The following ZDHHC19 variants were observed in gnomAD, a reference collection of about 807,000 sequenced individuals.
ZDHHC19 encodes the protein palmitoyltransferase ZDHHC19.
ZDHHC19 carries 30 observed loss-of-function variants against 33.9 expected under a neutral mutation model. That is an observed-to-expected ratio of 0.88 (90% CI 0.66 to 1.20). The LOEUF (loss-of-function observed/expected upper bound fraction) is 1.20, where lower values mean the gene tolerates loss of function less well. Among genes scored for constraint, ZDHHC19 ranks in the 50% most tolerant of loss-of-function variants. The pLI is 0.00. For synonymous variants in ZDHHC19, 178 were observed against 167.6 expected (o/e 1.06, Z -0.48); for missense variants, 364 against 401.1 (o/e 0.91, Z 0.79).
intron 5 of ZDHHC19, among the ~76,000 whole-genome samples, chr3:196,204,963 C>T (rs1035295048): frequency 5.3e-5 from 8 of 151,932 alleles, no homozygotes; most frequent in Admixed American, 2.0e-4. Flanking sequence ...AAAATTAGCC[C>T]GGCGTGGTGG....
rs775811813 is a variant in ZDHHC19 at position 196,208,515 on chromosome 3, G to A, written c.454C>T (p.Arg152Cys). 7 of 1,614,034 alleles carry A rather than the reference G, an allele frequency of 4.3e-6. No individual in the cohort carries two copies. The highest frequency in any genetic ancestry group is 3.3e-5 in the Admixed American group (2 of 60,008). Reference sequence around the variant, plus strand: ...AGCAGCATGAAGAAGCGGAAGTTGCGGTGACCGATGCAGTTATTGACCCAC... The same window carrying A: ...AGCAGCATGAAGAAGCGGAAGTTGCAGTGACCGATGCAGTTATTGACCCAC... ...CKWVNNCIGH[R>C]NFRFFMLLVL... The change falls in exon 4 of 8, where the codon CGC (arginine) becomes TGC (cysteine). Residue 152 changes from arginine to cysteine, a missense_variant. Arg to Cys is a radical substitution (Grantham distance 180). Transcript: ENST00000296326.
intron 2 of ZDHHC19, among the ~76,000 whole-genome samples, chr3:196,210,073 C>T (rs1427790897): frequency 2.6e-5 from 4 of 152,038 alleles, no homozygotes; most frequent in African/African-American, 9.7e-5. Flanking sequence ...CTCCTGTAGC[C>T]CCAGCTACTT....
chr3:196,198,631 C>T (rs754710717), intron 6 of ZDHHC19, 158 bp downstream of exon 6: 21 of 1,550,280 alleles, frequency 1.4e-5, no homozygotes, highest in African/African-American at 6.8e-5. Flanking sequence ...GAGCCAAGGA[C>T]GTAGGGAGGC....
chr3:196,199,810 T>A (rs983134734), intron 5 of ZDHHC19, among the ~76,000 whole-genome samples: 17 of 151,418 alleles, frequency 1.1e-4, no homozygotes, highest in Non-Finnish European at 1.9e-4. Flanking sequence ...CCAGGCGTGG[T>A]GGCGGGTGCC....
chr3:196,201,129 G>A (rs992495308), intron 5 of ZDHHC19, among the ~76,000 whole-genome samples: 1 of 151,632 alleles, frequency 6.6e-6, no homozygotes, highest in African/African-American at 2.4e-5. Flanking sequence ...CTGGAGTGCA[G>A]TGGCACGATC....
At chr3:196,205,303 A>G (rs557668976) in intron 5 of ZDHHC19, among the ~76,000 whole-genome samples, 1 of 152,360 alleles carries the variant, frequency 6.6e-6, no homozygotes, top group South Asian at 2.1e-4. Flanking sequence ...CATACAATGC[A>G]ATACCGTACG....
chr3:196,203,393 A>G lies in ZDHHC19; in HGVS notation c.687+4005T>C, dbSNP rs559718751. On this transcript the variant is annotated intron_variant, in intron 5 of 7. Coordinates refer to ENST00000296326, the MANE Select transcript of ZDHHC19 (RefSeq NM_001039617.2). The surrounding 1 kb of genome is among the most constrained non-coding windows in gnomAD (Gnocchi z 4.3). ...TGCTGCCCATTTTACAGTTGGGGAA[A>G]GTGGACGCCTAGGTGGCTAAGTAAT... 6.6e-6 allele frequency among the ~76,000 whole-genome samples: 1 copy of G among 152,332 alleles called. No individual in the cohort carries two copies. Among genetic ancestry groups the G allele is most frequent in the South Asian group, 2.1e-4 (1 of 4,832 alleles).
rs73083212 is a variant in ZDHHC19, at chr3:196,203,786, C to G, written c.687+3612G>C. On this transcript the variant is annotated intron_variant, in intron 5 of 7. Coordinates refer to ENST00000296326, the MANE Select transcript of ZDHHC19 (RefSeq NM_001039617.2). This position sits in a 1 kb window ranked among gnomAD's most constrained non-coding sequence, Gnocchi z 4.3. ...GGGAGGGTCCACATGCAGACCAGAG[C>G]GGGCTGATGAGGAAGGGCGGAGCTG... Among the ~76,000 whole-genome samples, 4 of 151,966 alleles carry G rather than the reference C, an allele frequency of 2.6e-5. No individual in the cohort carries two copies. The highest frequency in any genetic ancestry group is 9.7e-5 in the African/African-American group (4 of 41,364).
chr3:196,204,407 T>A (rs1269069381), intron 5 of ZDHHC19, among the ~76,000 whole-genome samples: 4 of 152,230 alleles, frequency 2.6e-5, no homozygotes, highest in African/African-American at 9.6e-5. Context: ...AGGTGTGGCA[T>A]GTTCATGAAT....
At chr3:196,208,683 TC>T (rs1227683356) in intron 3 of ZDHHC19, 123 bp from the exon 4 acceptor site, 1 of 1,153,140 alleles carries the variant, frequency 8.7e-7, no homozygotes, top group African/African-American at 1.6e-5. Flanking sequence ...TGCACTGGCT[TC>T]CACCCCCAGG....
chr3:196,208,596 TCTC>T (rs766064376), intron 3 of ZDHHC19, 36 bp from the exon 4 acceptor site: 3 of 1,603,798 alleles, frequency 1.9e-6, no homozygotes, highest in African/African-American at 1.3e-5. Context: ...CTTGAGGACT[TCTC>T]CTCTGGCCCA....
In ZDHHC19 at chr3:196,203,020, G is replaced by A. The variant is rs1722482372; in HGVS notation, c.688-4146C>T. On this transcript the variant is annotated intron_variant, in intron 5 of 7. Transcript: ENST00000296326. The surrounding 1 kb of genome is among the most constrained non-coding windows in gnomAD (Gnocchi z 4.3). ...TCAGCCTGTAATCCCAGCACTTTGGGAGGCCGAGGCGAGTGGCTCACCTGA... is the reference window on the plus strand; with the variant it reads ...TCAGCCTGTAATCCCAGCACTTTGGAAGGCCGAGGCGAGTGGCTCACCTGA... 6.6e-6 allele frequency among the ~76,000 whole-genome samples: 1 copy of A among 152,134 alleles called. No homozygotes were observed. The highest frequency in any genetic ancestry group is 1.5e-5 in the Non-Finnish European group (1 of 68,020).
chr3:196,209,310 G>A lies in ZDHHC19; in HGVS notation c.408+66C>T. 2.6e-6 allele frequency: 4 copies of A among 1,527,738 alleles called. No individual in the cohort carries two copies. In the South Asian group the frequency reaches 5.0e-5, roughly 19 times the overall value. 94.6% of individuals were successfully genotyped at this position (1,527,738 alleles called of 1,614,324 possible). A position where few individuals can be genotyped will look rare whatever the true frequency, so the allele number is the denominator to read the frequency against. ...TCACACCCAGCCCTGGCCCCTGTAT[G>A]AGGGAGGCTCCTGGTCCCAGCCAGA... On this transcript the variant is annotated intron_variant, in intron 3 of 7. Transcript: ENST00000296326.
intron 5 of ZDHHC19, among the ~76,000 whole-genome samples, chr3:196,200,817 T>G (rs1464765016): frequency 6.9e-6 from 1 of 145,350 alleles, no homozygotes; most frequent in African/African-American, 2.7e-5. Context: ...CCCAGCCAAT[T>G]TTTAATTTTT....
intron 5 of ZDHHC19, among the ~76,000 whole-genome samples, chr3:196,202,862 G>A (rs79088881): frequency 0.12 from 18,850 of 152,234 alleles, 1,600 homozygotes; most frequent in East Asian, 0.34. Context: ...AGACTTGGCT[G>A]CTGGAGAGCA....
At chr3:196,198,172 T>C (rs2280531) in intron 7 of ZDHHC19, 104 bp downstream of exon 7, 364,131 of 1,171,144 alleles carry the variant, frequency 0.31, 60,647 homozygotes, top group East Asian at 0.41. Context: ...GCGCTCCAGC[T>C]TCAGGGTCAG....
intron 5 of ZDHHC19, among the ~76,000 whole-genome samples, chr3:196,199,129 G>A (rs1455146708): frequency 6.6e-6 from 1 of 152,242 alleles, no homozygotes; most frequent in Non-Finnish European, 1.5e-5. Context: ...AGTTGAGCAA[G>A]GCCCAGTCGT....
Position 196,197,475 on chromosome 3 carries a change from A to C in ZDHHC19, c.*270T>G, listed in dbSNP as rs1451284352. ...TGTAAGAGGCAGGCAAGAGTATTTAATGGGCATTGAGGGTCTTGGCAGTCC... is the reference window on the plus strand; with the variant it reads ...TGTAAGAGGCAGGCAAGAGTATTTACTGGGCATTGAGGGTCTTGGCAGTCC... On this transcript the variant is annotated 3_prime_UTR_variant, in exon 8 of 8. Coordinates refer to ENST00000296326, the MANE Select transcript of ZDHHC19 (RefSeq NM_001039617.2). The surrounding 1 kb of genome is among the most constrained non-coding windows in gnomAD (Gnocchi z 4.4). 6.6e-6 allele frequency: 1 copy of C among 152,358 alleles called. No individual in the cohort carries two copies. Among genetic ancestry groups the C allele is most frequent in the Non-Finnish European group, 1.5e-5 (1 of 68,152 alleles). 9.4% of individuals were successfully genotyped at this position (152,358 alleles called of 1,614,324 possible).
At chr3:196,202,639 G>A (rs1431359467) in intron 5 of ZDHHC19, among the ~76,000 whole-genome samples, 1 of 152,228 alleles carries the variant, frequency 6.6e-6, no homozygotes, top group African/African-American at 2.4e-5. Context: ...GCCAGAGGCT[G>A]AGCCCTGAGG....
Sources: allele counts gnomAD v4.1 joint callset (sites outside exome capture counted in the v4.1 genomes callset), GRCh38; gene constraint gnomAD v4.1.1; non-coding constraint Gnocchi (gnomAD v3.1); transcripts MANE v1.5; gene names NCBI Gene and HGNC (gene_info 2026-07-23, HGNC 2026-07-21).